Variants in GOLGA3 observed in about 807,000 individuals in gnomAD.
GOLGA3 encodes golgin subfamily A member 3.
A neutral mutation model predicts 169.4 loss-of-function variants in GOLGA3; 75 were observed. The observed-to-expected ratio is 0.44, with a 90% CI of 0.37 to 0.54. GOLGA3 has a LOEUF of 0.54. Among genes scored for constraint, GOLGA3 ranks in the 20% least tolerant of loss-of-function variants. The probability of loss-of-function intolerance (pLI) is 0.00; values close to 1 mark genes in which losing one functional copy is unlikely to be tolerated. For missense variants in GOLGA3, 1,899 were observed against 1,930.0 expected, an observed-to-expected ratio of 0.98 and a Z score of 0.30; for synonymous variants, 824 against 822.4, an observed-to-expected ratio of 1.00 and a Z score of -0.03.
intron 16 of GOLGA3, among the ~76,000 whole-genome samples, chr12:132,783,603 G>C (rs2045734990): frequency 9.7e-6 from 1 of 103,392 alleles, no homozygotes; most frequent in African/African-American, 3.3e-5. Context: ...TTTTGAGACG[G>C]AGTCTCACTC....
At chr12:132,773,397 C>T (rs1197389584) in intron 23 of GOLGA3, 103 bp from the exon 24 acceptor site, 8 of 675,482 alleles carry the variant, frequency 1.2e-5, no homozygotes, top group Admixed American at 1.1e-4. Context: ...TGGACCGGGG[C>T]GCCTTCGGGG....
intron 11 of GOLGA3, among the ~76,000 whole-genome samples, chr12:132,794,366 A>T (rs931981549): frequency 2.0e-5 from 3 of 148,818 alleles, no homozygotes; most frequent in Admixed American, 2.0e-4. Flanking sequence ...ATGGCCGGGG[A>T]TGTGTGCACA....
At chr12:132,795,550 T>G (rs1948788557) in intron 11 of GOLGA3, among the ~76,000 whole-genome samples, 1 of 152,004 alleles carries the variant, frequency 6.6e-6, no homozygotes. Flanking sequence ...CACTTGAGGT[T>G]AGGAGTTTGA....
intron 1 of GOLGA3, chr12:132,825,966 G>T: frequency 2.0e-6 from 2 of 986,704 alleles, no homozygotes; most frequent in Non-Finnish European, 3.3e-6. Context: ...ACTGTCATCC[G>T]CCGAGACTAC....
chr12:132,821,932 A>G lies in GOLGA3; in HGVS notation c.133+64T>C, dbSNP rs201842245. 27 of 1,047,570 alleles carry G rather than the reference A, an allele frequency of 2.6e-5. No individual in the cohort carries two copies. In the African/African-American group the frequency reaches 3.2e-4, roughly 12 times the overall value. 64.9% of individuals were successfully genotyped at this position (1,047,570 alleles called of 1,614,324 possible). Reference sequence around the variant, plus strand: ...TCTCAACGCCACATCCTCCCTCAACACCACGTCCTCCCTCAACACCAGGTC... The same window carrying G: ...TCTCAACGCCACATCCTCCCTCAACGCCACGTCCTCCCTCAACACCAGGTC... On this transcript the variant is annotated intron_variant, in intron 2 of 23. Transcript: ENST00000450791.
chr12:132,818,505 C>T (rs767886943), intron 2 of GOLGA3, among the ~76,000 whole-genome samples: 1 of 152,230 alleles, frequency 6.6e-6, no homozygotes, highest in Non-Finnish European at 1.5e-5. Context: ...TCACCAGCCT[C>T]GGCCTCCCAC....
chr12:132,773,134 T>G lies in GOLGA3; in HGVS notation c.4468A>C (p.Arg1490=), dbSNP rs2044988315. 1 of 1,586,594 alleles carries G rather than the reference T, an allele frequency of 6.3e-7. No individual in the cohort carries two copies. The highest frequency in any genetic ancestry group is 1.3e-5 in the African/African-American group (1 of 74,172). Residue 1490 remains arginine (R), a synonymous_variant, in exon 24 of 24, where the codon AGG becomes CGG. Transcript: ENST00000450791. ...TCTCCCGGCCCTTCTTTGGAAGCCC[T>G]GCTCTGACTGTGTCTCTGTGGGTCG... ...RGDPQRHSQS[R]ASKEGPGE is the part of the protein sequence containing the mutation.
intron 12 of GOLGA3, 135 bp downstream of exon 12, chr12:132,791,081 A>ATTT: frequency 3.2e-6 from 1 of 316,704 alleles, no homozygotes; most frequent in Non-Finnish European, 5.7e-6. Flanking sequence ...AAAAAAAAAA[A>ATTT]AAAAAATTTA....
At chr12:132,787,589 A>G (rs868021483) in intron 13 of GOLGA3, among the ~76,000 whole-genome samples, 376 of 25,428 alleles carry the variant, frequency 0.015, 75 homozygotes, top group Admixed American at 0.015. Context: ...ACCCCTCCCC[A>G]GAACCCCTGG....
At position 132,822,220 on chromosome 12, in the gene GOLGA3, C is replaced by T; in HGVS notation, c.-92G>A. The T allele has an allele frequency of 6.7e-7, 1 of 1,489,326 alleles. No homozygotes were observed. Among genetic ancestry groups the T allele is most frequent in the Non-Finnish European group, 8.8e-7 (1 of 1,131,270 alleles). The allele number at this position is 1,489,326 out of a possible 1,614,324, so 92.3% of individuals were successfully genotyped here. A position where few individuals can be genotyped will look rare whatever the true frequency, so the allele number is the denominator to read the frequency against. ...CTGCCATCAGCAACAGCCAAGAGCT[C>T]CTGGGAGGGGCCCTACTGTGTCTCC... On this transcript the variant is annotated 5_prime_UTR_variant, in exon 2 of 24. Coordinates refer to ENST00000450791, the MANE Select transcript of GOLGA3 (RefSeq NM_001389683.1).
chr12:132,784,710 CACCA>C (rs1441454540), intron 15 of GOLGA3, among the ~76,000 whole-genome samples: 1 of 142,524 alleles, frequency 7.0e-6, no homozygotes, highest in Non-Finnish European at 1.6e-5. Flanking sequence ...ACATCCCACA[CACCA>C]CACACACACG....
At position 132,826,233 on chromosome 12, in the gene GOLGA3, C is replaced by T. The variant is rs1446498860; in HGVS notation, c.-184+2570G>A. On this transcript the variant is annotated intron_variant, in intron 1 of 23. Transcript: ENST00000450791. Reference sequence around the variant, plus strand: ...CCACAATGAAATAAAGTTATTTTCTCATTCTCCAAAAAAAAAAAAAAAAAA... The same window carrying T: ...CCACAATGAAATAAAGTTATTTTCTTATTCTCCAAAAAAAAAAAAAAAAAA... 1.2e-5 allele frequency: 11 copies of T among 915,070 alleles called. No individual in the cohort carries two copies. In the Admixed American group the frequency reaches 3.5e-4, roughly 29 times the overall value. 56.7% of individuals were successfully genotyped at this position (915,070 alleles called of 1,614,324 possible). A position where few individuals can be genotyped will look rare whatever the true frequency, so the allele number is the denominator to read the frequency against.
At chr12:132,780,199 C>T (rs987231587) in intron 18 of GOLGA3, among the ~76,000 whole-genome samples, 1 of 151,480 alleles carries the variant, frequency 6.6e-6, no homozygotes, top group African/African-American at 2.4e-5. Flanking sequence ...CACACCACAC[C>T]CCAGGCACAC....
intron 3 of GOLGA3, among the ~76,000 whole-genome samples, chr12:132,814,572 G>A (rs1308141136): frequency 6.6e-6 from 1 of 152,180 alleles, no homozygotes; most frequent in African/African-American, 2.4e-5. Flanking sequence ...TTTGGGGTCC[G>A]CTCTGACGCA....
intron 18 of GOLGA3, among the ~76,000 whole-genome samples, chr12:132,778,341 G>A (rs2045360621): frequency 2.6e-5 from 4 of 152,126 alleles, no homozygotes; most frequent in South Asian, 2.1e-4. Flanking sequence ...GTGGGAGGCC[G>A]AGGCGGGTGG....
At chr12:132,778,733 A>G (rs2045383495) in intron 18 of GOLGA3, among the ~76,000 whole-genome samples, 2 of 150,652 alleles carry the variant, frequency 1.3e-5, no homozygotes, top group South Asian at 2.1e-4. Context: ...CATCTCTACT[A>G]AAATACAAAA....
At chr12:132,807,520 T>C (rs1320316646) in intron 5 of GOLGA3, among the ~76,000 whole-genome samples, 1 of 152,222 alleles carries the variant, frequency 6.6e-6, no homozygotes, top group African/African-American at 2.4e-5. Flanking sequence ...CATGCAAGCG[T>C]CGTGCAGCTT....
chr12:132,819,679 G>A (rs1032054116), intron 2 of GOLGA3, among the ~76,000 whole-genome samples: 2 of 152,188 alleles, frequency 1.3e-5, no homozygotes, highest in African/African-American at 2.4e-5. Flanking sequence ...GCACTGAGAC[G>A]CCTTTCATGC....
intron 4 of GOLGA3, among the ~76,000 whole-genome samples, chr12:132,812,208 CACACAT>C (rs1488407333): frequency 4.2e-5 from 5 of 120,100 alleles, no homozygotes; most frequent in East Asian, 2.2e-4. Context: ...CACACACACA[CACACAT>C]ATATATATAT....
Sources: allele counts gnomAD v4.1 joint callset (sites outside exome capture counted in the v4.1 genomes callset), GRCh38; gene constraint gnomAD v4.1.1; transcripts MANE v1.5; gene names NCBI Gene and HGNC (gene_info 2026-07-23, HGNC 2026-07-21).